The following PLXNA4 variants were observed in gnomAD, a reference collection of about 807,000 sequenced individuals.
The protein encoded by PLXNA4 is plexin-A4.
In PLXNA4, 44 loss-of-function variants were observed where a neutral mutation model predicts 191.8. That is an observed-to-expected ratio of 0.23 (90% CI 0.18 to 0.29). PLXNA4 has a LOEUF of 0.29. Ranked by LOEUF, PLXNA4 falls within the 10% of genes least tolerant of loss-of-function variation. PLXNA4 has a pLI of 1.00. For missense variants in PLXNA4, 1,800 were observed against 2,488.8 expected (o/e 0.72, Z 5.89); for synonymous variants, 1,082 against 1,009.5 (o/e 1.07, Z -1.36).
At chr7:132,374,894 T>G (rs1213223814) in intron 3 of PLXNA4, among the ~76,000 whole-genome samples, 1 of 152,106 alleles carries the variant, frequency 6.6e-6, no homozygotes. Flanking sequence ...CCACCCAGAG[T>G]CAGTTACAAC....
chr7:132,646,996 CACAT>C (rs1173038879), intron 1 of PLXNA4, among the ~76,000 whole-genome samples: 2 of 151,962 alleles, frequency 1.3e-5, no homozygotes, highest in South Asian at 2.1e-4. Flanking sequence ...ATCATATACA[CACAT>C]ACACTCACAC....
rs752083096 is a variant in PLXNA4 at position 132,180,679 on chromosome 7, A to G, written c.3546T>C (p.Thr1182=). 4.3e-6 allele frequency: 7 copies of G among 1,614,144 alleles called. No homozygotes were observed. Among genetic ancestry groups the G allele is most frequent in the Non-Finnish European group, 5.9e-6 (7 of 1,180,018 alleles). Residue 1182 remains threonine (T), a synonymous_variant, in exon 19 of 32, where the codon ACT becomes ACC. Coordinates refer to ENST00000321063, the MANE Select transcript of PLXNA4 (RefSeq NM_020911.2). ...TGCACGGCTTCTCCCCAACCAGCAC[A>G]GTGTAGTTCAGCTTCACGTTGCCCC... ...VAGGNVKLNY[T]VLVGEKPCTV... is the part of the protein sequence containing the mutation.
At chr7:132,610,856 T>C (rs905813859) in intron 2 of PLXNA4, among the ~76,000 whole-genome samples, 2 of 152,218 alleles carry the variant, frequency 1.3e-5, no homozygotes, top group African/African-American at 4.8e-5. Flanking sequence ...GCCATGATAC[T>C]GCCTCTTGGA....
chr7:132,458,829 C>A (rs560353562), intron 3 of PLXNA4, among the ~76,000 whole-genome samples: 29 of 152,194 alleles, frequency 1.9e-4, no homozygotes, highest in Non-Finnish European at 3.8e-4. Flanking sequence ...CCCAAGAAAC[C>A]CCAGTTTGGA....
intron 3 of PLXNA4, among the ~76,000 whole-genome samples, chr7:132,432,768 T>A (rs762571914): frequency 3.2e-4 from 48 of 152,194 alleles, no homozygotes; most frequent in Non-Finnish European, 4.9e-4. Context: ...TTTTACAACA[T>A]CCCTCTAAAG....
At chr7:132,177,893 A>G (rs1373384433) in intron 20 of PLXNA4, among the ~76,000 whole-genome samples, 1 of 152,230 alleles carries the variant, frequency 6.6e-6, no homozygotes, top group African/African-American at 2.4e-5. Flanking sequence ...TTCCCCATCA[A>G]AAAGAGCCGT....
chr7:132,379,211 T>C (rs555332623), intron 3 of PLXNA4, among the ~76,000 whole-genome samples: 11 of 152,272 alleles, frequency 7.2e-5, no homozygotes, highest in African/African-American at 2.2e-4. Context: ...TGATTGGAGA[T>C]ATTCAAGTGG....
intron 2 of PLXNA4, among the ~76,000 whole-genome samples, chr7:132,596,415 C>G (rs1802711443): frequency 6.6e-6 from 1 of 152,188 alleles, no homozygotes; most frequent in South Asian, 2.1e-4. Context: ...CCTGGTCCTG[C>G]CAAGCCACAG....
rs112685842 is a variant in PLXNA4 at position 132,130,310 on chromosome 7, T to C, written c.*169A>G. On this transcript the variant is annotated 3_prime_UTR_variant, in exon 32 of 32. Coordinates refer to ENST00000321063, the MANE Select transcript of PLXNA4 (RefSeq NM_020911.2). ...GGCAGAGCAACTGGAAGAGAAGAGA[T>C]CCAGGAAGGAGGGAGAAACGGAAAG... 885 of 932,254 alleles carry C rather than the reference T, an allele frequency of 9.5e-4. 7 individuals are homozygous for C. The African/African-American group carries it at 9.9e-3, about 10-fold the overall frequency. 57.7% of individuals were successfully genotyped at this position (932,254 alleles called of 1,614,324 possible). A position where few individuals can be genotyped will look rare whatever the true frequency, so the allele number is the denominator to read the frequency against.
intron 24 of PLXNA4, among the ~76,000 whole-genome samples, chr7:132,160,662 A>G (rs1795923120): frequency 6.7e-6 from 1 of 149,242 alleles, no homozygotes; most frequent in South Asian, 2.2e-4. Flanking sequence ...GGGCTCCCGA[A>G]CTCTCCCTCG....
At chr7:132,136,773 T>C (rs963827293) in intron 30 of PLXNA4, among the ~76,000 whole-genome samples, 1 of 152,188 alleles carries the variant, frequency 6.6e-6, no homozygotes, top group Non-Finnish European at 1.5e-5. Context: ...GGACACAGCG[T>C]TGGCATTCCT....
At chr7:132,487,628 A>G (rs1797613438) in intron 3 of PLXNA4, among the ~76,000 whole-genome samples, 1 of 152,168 alleles carries the variant, frequency 6.6e-6, no homozygotes, top group Admixed American at 6.5e-5. Context: ...AGCCCACCAA[A>G]GCTGGAAGCT....
intron 3 of PLXNA4, among the ~76,000 whole-genome samples, chr7:132,459,745 G>A (rs1796434043): frequency 1.3e-5 from 2 of 152,168 alleles, no homozygotes; most frequent in Non-Finnish European, 2.9e-5. Context: ...TCTGAAGTGG[G>A]GAGGCTCCCT....
intron 1 of PLXNA4, among the ~76,000 whole-genome samples, chr7:132,558,208 A>C (rs1800884957): frequency 6.6e-6 from 1 of 152,228 alleles, no homozygotes; most frequent in Admixed American, 6.5e-5. Flanking sequence ...ACCTGGTTAA[A>C]TGCTGTTCCA....
chr7:132,415,287 GAC>G (rs1794622880), intron 3 of PLXNA4, among the ~76,000 whole-genome samples: 1 of 152,216 alleles, frequency 6.6e-6, no homozygotes, highest in Non-Finnish European at 1.5e-5. Flanking sequence ...ACAGCCAGAA[GAC>G]ACAGATGTCT....
At chr7:132,416,290 C>T (rs541120228) in intron 3 of PLXNA4, among the ~76,000 whole-genome samples, 1 of 152,260 alleles carries the variant, frequency 6.6e-6, no homozygotes, top group Admixed American at 6.5e-5. Flanking sequence ...AGAGGAGAAC[C>T]TAGGGCAGCA....
Position 132,562,073 on chromosome 7 carries a change from TTCC to T in PLXNA4, c.-87+14346_-87+14348del, listed in dbSNP as rs1396027987. 4.6e-3 allele frequency among the ~76,000 whole-genome samples: 267 copies of T among 58,198 alleles called. 2 individuals carry two copies. Among genetic ancestry groups the T allele is most frequent in the Non-Finnish European group, 6.3e-3 (204 of 32,512 alleles). The allele number at this position is 58,198 out of a possible 152,430, so 38.2% of individuals were successfully genotyped here. On this transcript the variant is annotated intron_variant, in intron 1 of 31. Coordinates refer to ENST00000321063, the MANE Select transcript of PLXNA4 (RefSeq NM_020911.2). Reference sequence around the variant, plus strand: ...CCTCTCCCTCCTCCTTCTCCTCCTCTTCCTCCTCCTCTCCCTCCTCCTTTCTCC... The same window carrying T: ...CCTCTCCCTCCTCCTTCTCCTCCTCTTCCTCCTCTCCCTCCTCCTTTCTCC...
intron 3 of PLXNA4, among the ~76,000 whole-genome samples, chr7:132,412,546 A>G (rs1361499758): frequency 6.6e-6 from 1 of 152,220 alleles, no homozygotes; most frequent in Non-Finnish European, 1.5e-5. Context: ...ACAAAAATCT[A>G]TTAGTGTTAC....
rs2278100 is a variant in PLXNA4, at chr7:132,318,655, A to G, written c.1372-20433T>C. 1.9e-3 allele frequency among the ~76,000 whole-genome samples: 241 copies of G among 129,620 alleles called. 9 individuals are homozygous for G. The East Asian group carries it at 0.05, about 27-fold the overall frequency. The allele number at this position is 129,620 out of a possible 152,430, so 85.0% of individuals were successfully genotyped here. A position where few individuals can be genotyped will look rare whatever the true frequency, so the allele number is the denominator to read the frequency against. On this transcript the variant is annotated intron_variant, in intron 3 of 31. Transcript: ENST00000321063. ...TCAGAGCCTCTGGTGATCATCACGC[A>G]CTTTGCTTTTTTTTTTTTTTTTTTT...
Sources: allele counts gnomAD v4.1 joint callset (sites outside exome capture counted in the v4.1 genomes callset), GRCh38; gene constraint gnomAD v4.1.1; transcripts MANE v1.5; gene names NCBI Gene and HGNC (gene_info 2026-07-23, HGNC 2026-07-21).